Variants in CPXM2 observed in about 807,000 individuals in gnomAD.
CPXM2 encodes inactive carboxypeptidase-like protein X2.
Under a neutral mutation model 86.1 loss-of-function variants are expected in CPXM2, and 66 were observed. The ratio of observed to expected loss-of-function variants is 0.77; its 90% CI spans 0.63 to 0.94. The LOEUF is 0.94. Among genes scored for constraint, CPXM2 ranks in the 40% least tolerant of loss-of-function variants. CPXM2 has a pLI of 0.00. For synonymous variants in CPXM2, 388 were observed against 400.2 expected (o/e 0.97, Z 0.36); for missense variants, 948 against 1,026.3 (o/e 0.92, Z 1.04).
At chr10:123,901,755 G>A (rs536789221) in intron 2 of CPXM2, among the ~76,000 whole-genome samples, 1 of 152,198 alleles carries the variant, frequency 6.6e-6, no homozygotes, top group Non-Finnish European at 1.5e-5. Context: ...TTAACTTCGG[G>A]ACTTTCACAG....
intron 2 of CPXM2, among the ~76,000 whole-genome samples, chr10:123,875,820 T>C (rs1944977331): frequency 1.4e-5 from 2 of 143,750 alleles, no homozygotes; most frequent in African/African-American, 5.1e-5. Context: ...TTTTTTTTTT[T>C]TTTTTTTTTT....
chr10:123,901,426 A>AATTTGTGTGT (rs1554891061), intron 2 of CPXM2, among the ~76,000 whole-genome samples: 1 of 58,076 alleles, frequency 1.7e-5, no homozygotes, highest in South Asian at 5.9e-4. Flanking sequence ...CATCCAAGCA[A>AATTTGTGTGT]GTTTGTGTGT....
At chr10:123,852,845 C>T (rs1590067284) in intron 3 of CPXM2, among the ~76,000 whole-genome samples, 1 of 152,308 alleles carries the variant, frequency 6.6e-6, no homozygotes, top group East Asian at 1.9e-4. Flanking sequence ...AGAGTCTGCC[C>T]CCATGACTAC....
At chr10:123,753,724 A>T (rs1002513084) in intron 13 of CPXM2, among the ~76,000 whole-genome samples, 2 of 152,012 alleles carry the variant, frequency 1.3e-5, no homozygotes, top group African/African-American at 2.4e-5. Flanking sequence ...GGTTTATAAA[A>T]CCCTGGGTCT....
chr10:123,830,791 GTTATC>G (rs752990565), intron 4 of CPXM2, among the ~76,000 whole-genome samples: 36 of 151,510 alleles, frequency 2.4e-4, no homozygotes, highest in Admixed American at 1.1e-3. Flanking sequence ...AAATGAAAAT[GTTATC>G]TTATGTCTAC....
chr10:123,898,895 C>T (rs573791732), intron 2 of CPXM2, among the ~76,000 whole-genome samples: 28 of 152,328 alleles, frequency 1.8e-4, no homozygotes, highest in South Asian at 1.0e-3. Flanking sequence ...TAGGCATGCA[C>T]CACCATGCCC....
At chr10:123,858,012 T>G in intron 3 of CPXM2, among the ~76,000 whole-genome samples, 1 of 151,908 alleles carries the variant, frequency 6.6e-6, no homozygotes, top group Non-Finnish European at 1.5e-5. Context: ...AGACCACTGA[T>G]AGACTCCATA....
At chr10:123,923,405 C>T (rs1945592933) in intron 2 of CPXM2, among the ~76,000 whole-genome samples, 1 of 113,928 alleles carries the variant, frequency 8.8e-6, no homozygotes, top group African/African-American at 3.5e-5. Context: ...ACAGTGAAAC[C>T]CCGTCTCTAC....
intron 2 of CPXM2, among the ~76,000 whole-genome samples, chr10:123,873,547 G>A (rs966754363): frequency 2.6e-5 from 4 of 152,138 alleles, no homozygotes; most frequent in African/African-American, 9.7e-5. Flanking sequence ...GTGTTTACAA[G>A]TACACACAAT....
chr10:123,768,809 T>G, intron 8 of CPXM2, 87 bp from the exon 9 acceptor site: 1 of 1,179,976 alleles, frequency 8.5e-7, no homozygotes, highest in East Asian at 2.4e-5. Context: ...GGGGGGAAAG[T>G]CTTGAATAAT....
intron 2 of CPXM2, among the ~76,000 whole-genome samples, chr10:123,868,990 T>C (rs941879978): frequency 1.3e-5 from 2 of 152,232 alleles, no homozygotes; most frequent in African/African-American, 4.8e-5. Flanking sequence ...CTAGGACTTT[T>C]CCCCATCCTT....
intron 2 of CPXM2, among the ~76,000 whole-genome samples, chr10:123,936,270 A>T (rs1007385645): frequency 1.3e-5 from 2 of 152,208 alleles, no homozygotes; most frequent in Non-Finnish European, 2.9e-5. Flanking sequence ...ACCAGGGAGT[A>T]AGAGTGGTCC....
chr10:123,841,685 C>G (rs1238944408), intron 4 of CPXM2, among the ~76,000 whole-genome samples: 4 of 152,224 alleles, frequency 2.6e-5, no homozygotes, highest in African/African-American at 9.6e-5. Flanking sequence ...TGGCAGCATG[C>G]CTTCCTCTTT....
intron 12 of CPXM2, among the ~76,000 whole-genome samples, chr10:123,756,683 CTGTTA>C: frequency 6.6e-6 from 1 of 151,014 alleles, no homozygotes; most frequent in East Asian, 2.0e-4. Context: ...GAAAAGGAGG[CTGTTA>C]AGGTGGCATC....
At chr10:123,900,257 G>C (rs968430407) in intron 2 of CPXM2, among the ~76,000 whole-genome samples, 2 of 152,132 alleles carry the variant, frequency 1.3e-5, no homozygotes, top group African/African-American at 4.8e-5. Flanking sequence ...GGCCAGGCTG[G>C]TCTTAATCTT....
chr10:123,880,316 G>A lies in CPXM2; in HGVS notation c.305-7C>T, dbSNP rs376220718. ...TTTTTGTTGCTGTGTTTACCTAAAG[G>A]GGGAGAGAGAGATGCCTTTACTTTC... On this transcript the variant is annotated splice_polypyrimidine_tract_variant and splice_region_variant and intron_variant, in intron 1 of 13. Transcript: ENST00000241305. 8 of 1,312,304 alleles carry A rather than the reference G, an allele frequency of 6.1e-6. 1 individual carries two copies. Among genetic ancestry groups the A allele is most frequent in the East Asian group, 2.3e-5 (1 of 43,464 alleles). The allele number at this position is 1,312,304 out of a possible 1,614,324, so 81.3% of individuals were successfully genotyped here.
intron 1 of CPXM2, among the ~76,000 whole-genome samples, chr10:123,887,606 G>C (rs1305844406): frequency 6.6e-6 from 1 of 152,000 alleles, no homozygotes; most frequent in Non-Finnish European, 1.5e-5. Context: ...CAGGGGGGAG[G>C]GTGCTACTGG....
Position 123,879,608 on chromosome 10 carries a change from C to A in CPXM2, c.403+603G>T, listed in dbSNP as rs147653303. 6.1e-3 allele frequency among the ~76,000 whole-genome samples: 931 copies of A among 152,170 alleles called. 13 individuals carry two copies. Among genetic ancestry groups the A allele is most frequent in the African/African-American group, 0.021 (891 of 41,504 alleles). On this transcript the variant is annotated intron_variant, in intron 2 of 13. Transcript: ENST00000241305. ...ATACTAATTTTAGCAGAAATGTGAT[C>A]CTGGTTACCACAGTTTAGATAATAA... is the stretch of plus-strand genomic sequence containing the variant.
rs137869846 is a variant in CPXM2 at position 123,919,451 on chromosome 10, A to C, written n.174+20026T>G. On this transcript the variant is annotated intron_variant and non_coding_transcript_variant, in intron 2 of 19. Coordinates refer to the CPXM2 transcript ENST00000368854. The stretch of plus-strand genomic sequence containing the variant: ...ACCACAAGATAACCCAGATTTTGGC[A>C]TTATCAGACAAAGAATTTAAAGCAG... Among the ~76,000 whole-genome samples, 23 of 151,998 alleles carry C rather than the reference A, an allele frequency of 1.5e-4. No individual in the cohort carries two copies. In the East Asian group the frequency reaches 4.1e-3, roughly 27 times the overall value.
Sources: gnomAD v4.1 joint callset for allele counts (sites outside exome capture counted in the v4.1 genomes callset) on GRCh38, gnomAD v4.1.1 for gene constraint, MANE v1.5 for transcripts, NCBI Gene and HGNC (gene_info 2026-07-23, HGNC 2026-07-21) for gene names.